Variants in NEK11 observed in about 807,000 individuals in gnomAD.
NEK11 encodes serine/threonine-protein kinase Nek11.
In NEK11, 72 loss-of-function variants were observed where a neutral mutation model predicts 80.7. The ratio of observed to expected loss-of-function variants is 0.89; its 90% CI spans 0.74 to 1.08. NEK11 has a LOEUF of 1.08. Ranked by LOEUF, NEK11 falls within the 50% of genes least tolerant of loss-of-function variation. The pLI is 0.00. For synonymous variants in NEK11, 251 were observed against 260.7 expected (o/e 0.96, Z 0.36); for missense variants, 764 against 763.6 (o/e 1.00, Z -0.01).
chr3:131,317,490 C>T lies in NEK11; in HGVS notation c.1719-32067C>T, dbSNP rs544362436. 3.3e-5 allele frequency among the ~76,000 whole-genome samples: 5 copies of T among 151,948 alleles called. No individual in the cohort carries two copies. In the South Asian group the frequency reaches 1.0e-3, roughly 32 times the overall value. On this transcript the variant is annotated intron_variant, in intron 17 of 17. Transcript: ENST00000383366. ...GGCTGTAAATAGTGATGATCACAGT[C>T]CTTACCACTGATTAGGAACACTCCT...
rs191384141 is a variant in NEK11 at position 131,093,515 on chromosome 3, C to T, written c.336+12927C>T. Among the ~76,000 whole-genome samples, 337 of 152,192 alleles carry T rather than the reference C, an allele frequency of 2.2e-3. 1 individual carries two copies. Among genetic ancestry groups the T allele is most frequent in the Non-Finnish European group, 3.5e-3 (241 of 68,010 alleles). ...CTCAGCTCAGTGCAATCTCCGCCTCCTCAGCTCAAGCAATTCTCCTGCCTC... is the reference window on the plus strand; with the variant it reads ...CTCAGCTCAGTGCAATCTCCGCCTCTTCAGCTCAAGCAATTCTCCTGCCTC... On this transcript the variant is annotated intron_variant, in intron 4 of 17. Coordinates refer to ENST00000383366, the MANE Select transcript of NEK11 (RefSeq NM_024800.5).
chr3:131,221,998 C>G (rs541277250), intron 14 of NEK11, among the ~76,000 whole-genome samples: 1 of 152,180 alleles, frequency 6.6e-6, no homozygotes, highest in African/African-American at 2.4e-5. Flanking sequence ...GAACTAGGCT[C>G]AGGCTGAATC....
intron 15 of NEK11, among the ~76,000 whole-genome samples, chr3:131,241,812 G>C (rs957830510): frequency 1.3e-5 from 2 of 152,014 alleles, no homozygotes; most frequent in Non-Finnish European, 2.9e-5. Flanking sequence ...ATATCTAAGA[G>C]ATAGATGTAT....
At chr3:131,294,388 T>G (rs2096572929) in intron 17 of NEK11, among the ~76,000 whole-genome samples, 1 of 152,130 alleles carries the variant, frequency 6.6e-6, no homozygotes, top group Non-Finnish European at 1.5e-5. Context: ...TATTCTGTTA[T>G]TGATTTCTAA....
chr3:131,255,084 GAAA>G (rs2095787920), intron 16 of NEK11, among the ~76,000 whole-genome samples: 39 of 55,646 alleles, frequency 7.0e-4, no homozygotes, highest in African/African-American at 2.3e-3. Flanking sequence ...AAGAAGGAAA[GAAA>G]GAAAGAAAGA....
chr3:131,310,626 T>C (rs1434096732), intron 17 of NEK11, among the ~76,000 whole-genome samples: 1 of 152,232 alleles, frequency 6.6e-6, no homozygotes, highest in Non-Finnish European at 1.5e-5. Context: ...TGAAAAGCGA[T>C]GTCAGAGGTG....
chr3:131,122,968 A>G (rs1344645333), intron 5 of NEK11, among the ~76,000 whole-genome samples: 2 of 152,160 alleles, frequency 1.3e-5, no homozygotes, highest in Non-Finnish European at 2.9e-5. Context: ...CAGATATGGT[A>G]TGGTGCACTT....
rs558924379 is a variant in NEK11 at position 131,097,684 on chromosome 3, A to G, written c.337-12119A>G. Among the ~76,000 whole-genome samples the G allele has an allele frequency of 3.9e-3, 590 of 152,086 alleles. 2 individuals are homozygous for G. Among genetic ancestry groups the G allele is most frequent in the Middle Eastern group, 0.014 (4 of 294 alleles). ...ACACAAACAAATGGAAGAACATTCCATGCTCATGGGTAGGAAGAATCAATA... is the reference window on the plus strand; with the variant it reads ...ACACAAACAAATGGAAGAACATTCCGTGCTCATGGGTAGGAAGAATCAATA... On this transcript the variant is annotated intron_variant, in intron 4 of 17. Transcript: ENST00000383366.
intron 4 of NEK11, among the ~76,000 whole-genome samples, chr3:131,105,229 A>C (rs1349474962): frequency 6.6e-6 from 1 of 152,214 alleles, no homozygotes; most frequent in Non-Finnish European, 1.5e-5. Context: ...AAACAAAACA[A>C]ACAAACAAAA....
intron 14 of NEK11, among the ~76,000 whole-genome samples, chr3:131,196,815 C>T (rs2094030178): frequency 6.6e-6 from 1 of 151,738 alleles, no homozygotes; most frequent in South Asian, 2.1e-4. Flanking sequence ...AGGCACCATG[C>T]CTGGCCACAA....
chr3:131,088,731 A>G (rs989346034), intron 4 of NEK11, among the ~76,000 whole-genome samples: 1 of 151,318 alleles, frequency 6.6e-6, no homozygotes, highest in African/African-American at 2.4e-5. Flanking sequence ...AAAAATACTA[A>G]CTAAACTCAA....
chr3:131,212,085 TC>T (rs2094641631), intron 14 of NEK11, among the ~76,000 whole-genome samples: 1 of 152,240 alleles, frequency 6.6e-6, no homozygotes, highest in Non-Finnish European at 1.5e-5. Flanking sequence ...CTCTCGTTTC[TC>T]CCCATCTTTG....
chr3:131,092,975 T>A (rs1237049511), intron 4 of NEK11: 1 of 152,244 alleles, frequency 6.6e-6, no homozygotes, highest in Non-Finnish European at 1.5e-5. Context: ...AGAACAATGT[T>A]CAGTTTCCAG....
intron 15 of NEK11, among the ~76,000 whole-genome samples, chr3:131,233,002 AAGG>A (rs2095360090): frequency 2.0e-5 from 3 of 150,394 alleles, no homozygotes; most frequent in Admixed American, 6.7e-5. Flanking sequence ...GGAAGGAAGG[AAGG>A]AAGGAAGGAA....
At chr3:131,223,780 A>G (rs539865136) in intron 14 of NEK11, among the ~76,000 whole-genome samples, 277 of 152,274 alleles carry the variant, frequency 1.8e-3, no homozygotes, top group Non-Finnish European at 3.1e-3. Context: ...GTGGACAGGA[A>G]GGACAGTGGG....
At chr3:131,254,155 A>G (rs570750065) in intron 16 of NEK11, among the ~76,000 whole-genome samples, 2 of 152,344 alleles carry the variant, frequency 1.3e-5, no homozygotes, top group African/African-American at 4.8e-5. Context: ...AGACATAAAC[A>G]GAAGGGATAA....
At chr3:131,224,683 A>G (rs1042947380) in intron 14 of NEK11, among the ~76,000 whole-genome samples, 1 of 152,198 alleles carries the variant, frequency 6.6e-6, no homozygotes, top group African/African-American at 2.4e-5. Flanking sequence ...TACTGCCCCT[A>G]GAGACCTTGT....
At chr3:131,066,061 C>T (rs1225304909) in intron 3 of NEK11, among the ~76,000 whole-genome samples, 1 of 152,168 alleles carries the variant, frequency 6.6e-6, no homozygotes, top group Non-Finnish European at 1.5e-5. Context: ...ATCACAGACT[C>T]ATCTCTTTGA....
At chr3:131,263,581 T>C (rs547551553) in intron 16 of NEK11, among the ~76,000 whole-genome samples, 30 of 151,822 alleles carry the variant, frequency 2.0e-4, no homozygotes, top group Admixed American at 2.6e-4. Context: ...GTCCTTGCAA[T>C]AGTTGGCCAC....
Sources: gnomAD v4.1 joint callset for allele counts (sites outside exome capture counted in the v4.1 genomes callset) on GRCh38, gnomAD v4.1.1 for gene constraint, MANE v1.5 for transcripts, NCBI Gene and HGNC (gene_info 2026-07-23, HGNC 2026-07-21) for gene names.